Variants in SCUBE2 observed in about 807,000 individuals in gnomAD.
SCUBE2 encodes the protein signal peptide, CUB and EGF-like domain-containing protein 2.
In SCUBE2, 114 loss-of-function variants were observed where a neutral mutation model predicts 125.9. The observed-to-expected ratio is 0.91, with a 90% confidence interval of 0.78 to 1.06. The LOEUF is 1.06. Among genes scored for constraint, SCUBE2 ranks in the 50% least tolerant of loss-of-function variants. The pLI, the probability that SCUBE2 is intolerant of heterozygous loss-of-function variation, is 0.00. For synonymous variants in SCUBE2, 459 were observed against 492.9 expected (o/e 0.93, Z 0.91); for missense variants, 1,255 against 1,301.8 (o/e 0.96, Z 0.55).
At chr11:9,032,492 G>A (rs1428527672) in intron 17 of SCUBE2, among the ~76,000 whole-genome samples, 5 of 152,114 alleles carry the variant, frequency 3.3e-5, no homozygotes, top group Admixed American at 3.3e-4. Context: ...CCAACACTTT[G>A]GGAGGCCGAG....
intron 3 of SCUBE2, among the ~76,000 whole-genome samples, chr11:9,075,416 T>G (rs1213555818): frequency 6.6e-6 from 1 of 152,084 alleles, no homozygotes; most frequent in Non-Finnish European, 1.5e-5. Context: ...GAAGGGATTA[T>G]AGGTGGAAGA....
chr11:9,072,085 TA>T (rs1167267263), intron 4 of SCUBE2, among the ~76,000 whole-genome samples: 4 of 152,208 alleles, frequency 2.6e-5, no homozygotes, highest in Non-Finnish European at 4.4e-5. Flanking sequence ...TGCCCTATAT[TA>T]AAGAACATTT....
chr11:9,069,138 C>G (rs1564838864), intron 5 of SCUBE2, among the ~76,000 whole-genome samples: 2 of 152,242 alleles, frequency 1.3e-5, no homozygotes, highest in Non-Finnish European at 1.5e-5. Flanking sequence ...ACTCCTTACT[C>G]CTGAATTTCA....
chr11:9,068,998 G>C (rs986106086), intron 5 of SCUBE2, among the ~76,000 whole-genome samples: 2 of 152,258 alleles, frequency 1.3e-5, no homozygotes, highest in African/African-American at 2.4e-5. Flanking sequence ...AAGGGGAGTA[G>C]TGTCTGCGGA....
intron 16 of SCUBE2, among the ~76,000 whole-genome samples, chr11:9,046,938 A>T (rs1452207516): frequency 6.7e-6 from 1 of 150,256 alleles, no homozygotes; most frequent in Admixed American, 6.6e-5. Context: ...TCCTTAGCTA[A>T]GCTTGGGCCT....
Position 9,072,825 on chromosome 11 carries a change from A to G in SCUBE2, c.517+1656T>C, listed in dbSNP as rs558726510. Among the ~76,000 whole-genome samples the G allele has an allele frequency of 3.3e-5, 5 of 152,350 alleles. No individual in the cohort carries two copies. The East Asian group carries it at 9.6e-4, about 29-fold the overall frequency. On this transcript the variant is annotated intron_variant, in intron 4 of 22. Coordinates refer to ENST00000649792, the MANE Select transcript of SCUBE2 (RefSeq NM_001367977.2). ...GGGGATCCAAGAATGTCTGAATTGTAGAAAATTTAGAAAACACAGTTTGCA... is the reference window on the plus strand; with the variant it reads ...GGGGATCCAAGAATGTCTGAATTGTGGAAAATTTAGAAAACACAGTTTGCA...
rs1469088490 is a variant in SCUBE2 at position 9,054,703 on chromosome 11, A to G, written c.1208-944T>C. Among the ~76,000 whole-genome samples the G allele has an allele frequency of 3.9e-4, 16 of 40,960 alleles. No individual in the cohort carries two copies. The East Asian group carries it at 6.9e-3, about 18-fold the overall frequency. 26.9% of individuals were successfully genotyped at this position (40,960 alleles called of 152,430 possible). Reference sequence around the variant, plus strand: ...ACTGTCAGTAGCAAAGCACTAGTGTATATATATATATATATATATATATTT... The same window carrying G: ...ACTGTCAGTAGCAAAGCACTAGTGTGTATATATATATATATATATATATTT... On this transcript the variant is annotated intron_variant, in intron 10 of 22. Transcript: ENST00000649792.
At chr11:9,052,133 A>G (rs543228415) in intron 13 of SCUBE2, among the ~76,000 whole-genome samples, 1 of 152,252 alleles carries the variant, frequency 6.6e-6, no homozygotes, top group Non-Finnish European at 1.5e-5. Context: ...GTACTATGGT[A>G]GCTGGCATAT....
chr11:9,072,983 G>A (rs1401353926), intron 4 of SCUBE2, among the ~76,000 whole-genome samples: 11 of 152,168 alleles, frequency 7.2e-5, no homozygotes, highest in Admixed American at 5.9e-4. Flanking sequence ...GATCTTAATC[G>A]CTACCAGCTG....
chr11:9,054,012 T>C (rs1246582861), intron 10 of SCUBE2, among the ~76,000 whole-genome samples: 1 of 137,498 alleles, frequency 7.3e-6, no homozygotes, highest in Admixed American at 7.3e-5. Context: ...TTTTTTTTTT[T>C]TGAGATGGAA....
intron 7 of SCUBE2, among the ~76,000 whole-genome samples, chr11:9,061,907 A>C (rs1390587700): frequency 6.6e-6 from 1 of 152,230 alleles, no homozygotes; most frequent in Admixed American, 6.5e-5. Flanking sequence ...GGAGGTATCA[A>C]GTTATTCTAG....
chr11:9,060,503 C>T lies in SCUBE2; in HGVS notation c.872G>A (p.Gly291Glu), dbSNP rs755910701. The change falls in exon 8 of 23, where the codon GGA becomes GAA. Residue 291 changes from glycine to glutamate, a missense_variant. Transcript: ENST00000649792. The stretch of plus-strand genomic sequence containing the variant: ...ATCCTTACAGGTGCGGTCACAGCCT[C>T]CATTGTTGACAGCACACGTTTCTGG... ...LLMETCAVNN[G>E]GCDRTCKDTS... The T allele has an allele frequency of 6.2e-7, 1 of 1,613,886 alleles. No individual in the cohort carries two copies. Among genetic ancestry groups the T allele is most frequent in the East Asian group, 2.2e-5 (1 of 44,878 alleles).
At chr11:9,061,647 T>C (rs1239462164) in intron 7 of SCUBE2, among the ~76,000 whole-genome samples, 2 of 151,868 alleles carry the variant, frequency 1.3e-5, no homozygotes, top group East Asian at 3.9e-4. Flanking sequence ...TACATGTATG[T>C]TTATCTCTGT....
rs1590007238 is a variant in SCUBE2 at position 9,030,983 on chromosome 11, C to G, written c.2174-58G>C. 4 of 1,532,544 alleles carry G rather than the reference C, an allele frequency of 2.6e-6. No homozygotes were observed. The East Asian group carries it at 9.2e-5, about 35-fold the overall frequency. 94.9% of individuals were successfully genotyped at this position (1,532,544 alleles called of 1,614,324 possible). ...CCTCCAGGCAGACCCTTGCTCCCCACTCTCCAAATGAGACCAACTTCAGTC... is the reference window on the plus strand; with the variant it reads ...CCTCCAGGCAGACCCTTGCTCCCCAGTCTCCAAATGAGACCAACTTCAGTC... On this transcript the variant is annotated intron_variant, in intron 17 of 22. Transcript: ENST00000649792.
At chr11:9,074,013 A>G (rs1255885276) in intron 4 of SCUBE2, among the ~76,000 whole-genome samples, 1 of 152,082 alleles carries the variant, frequency 6.6e-6, no homozygotes, top group African/African-American at 2.4e-5. Context: ...AATGCAAAAC[A>G]TGGAAGGGCC....
In SCUBE2 at chr11:9,069,441, G is replaced by A. The variant is rs1860567718; in HGVS notation, c.572C>T (p.Ala191Val). The A allele has an allele frequency of 3.7e-6, 6 of 1,614,122 alleles. No homozygotes were observed. The highest frequency in any genetic ancestry group is 4.2e-6 in the Non-Finnish European group (5 of 1,180,048). Reference protein sequence around the residue: ...DHGCSHICKEAPRGSVACECR... With the variant: ...DHGCSHICKEVPRGSVACECR... ...CTCACAGGCGACGCTGCCCCTTGGG[G>A]CCTCCTTGCAGATGTGACTACAGCC... The change falls in exon 5 of 23, where the codon GCC becomes GTC. Residue 191 changes from alanine to valine, a missense_variant. Ala to Val is a moderately conservative substitution (Grantham distance 64). Around this residue, in one of 3 missense-constraint regions of SCUBE2, gnomAD observed 362 missense variants for 323.0 expected, o/e 1.12. Transcript: ENST00000649792.
chr11:9,074,019 G>C (rs74965986), intron 4 of SCUBE2, among the ~76,000 whole-genome samples: 4,989 of 152,216 alleles, frequency 0.033, 242 homozygotes, highest in African/African-American at 0.11. Flanking sequence ...AAACATGGAA[G>C]GGCCGGATCT....
intron 16 of SCUBE2, among the ~76,000 whole-genome samples, chr11:9,044,553 C>T (rs10769986): frequency 0.66 from 100,577 of 152,076 alleles, 33,933 homozygotes; most frequent in East Asian, 0.89. Context: ...AAAGATATAT[C>T]TATTCATACG....
At chr11:9,049,149 C>G (rs1858095155) in intron 14 of SCUBE2, among the ~76,000 whole-genome samples, 1 of 152,180 alleles carries the variant, frequency 6.6e-6, no homozygotes, top group African/African-American at 2.4e-5. Context: ...CTCAGTCTCC[C>G]CTAACGTTAA....
Sources: allele counts gnomAD v4.1 joint callset (sites outside exome capture counted in the v4.1 genomes callset), GRCh38; gene constraint gnomAD v4.1.1; regional missense constraint gnomAD v4.1.1; transcripts MANE v1.5; gene names NCBI Gene and HGNC (gene_info 2026-07-23, HGNC 2026-07-21).